Variants in GPR137B observed in about 807,000 individuals in gnomAD.
GPR137B encodes G protein-coupled receptor 137B.
Under a neutral mutation model 42.5 loss-of-function variants are expected in GPR137B, and 42 were observed. The observed-to-expected ratio is 0.99, with a 90% CI of 0.77 to 1.28. The LOEUF is 1.28. GPR137B is among the 50% of genes most tolerant of loss of function. GPR137B has a pLI of 0.00. For missense variants in GPR137B, 487 were observed against 493.9 expected (o/e 0.99, Z 0.13); for synonymous variants, 218 against 209.7 (o/e 1.04, Z -0.34).
intron 6 of GPR137B, among the ~76,000 whole-genome samples, chr1:236,206,381 G>C (rs1663662777): frequency 6.6e-6 from 1 of 152,184 alleles, no homozygotes; most frequent in Non-Finnish European, 1.5e-5. Context: ...TATGTAAACA[G>C]TTTGTATATA....
At chr1:236,178,705 A>G (rs1011009330) in intron 3 of GPR137B, 69 bp downstream of exon 3, 8 of 994,286 alleles carry the variant, frequency 8.0e-6, no homozygotes, top group Non-Finnish European at 1.2e-5. Context: ...GGTTTGCAAA[A>G]GTACATTTTG....
chr1:236,175,966 C>T (rs886157480), intron 2 of GPR137B, among the ~76,000 whole-genome samples: 2 of 152,140 alleles, frequency 1.3e-5, no homozygotes, highest in African/African-American at 4.8e-5. Context: ...GCACAGTGTT[C>T]CATAGTGCAA....
rs1221376117 is a variant in GPR137B at position 236,142,628 on chromosome 1, GC to G, written c.9del (p.Glu4SerfsTer30). 1 of 1,464,908 alleles carries G rather than the reference GC, an allele frequency of 6.8e-7. No homozygotes were observed. Among genetic ancestry groups the G allele is most frequent in the Non-Finnish European group, 9.0e-7 (1 of 1,116,962 alleles). The allele number at this position is 1,464,908 out of a possible 1,614,324, so 90.7% of individuals were successfully genotyped here. A position where few individuals can be genotyped will look rare whatever the true frequency, so the allele number is the denominator to read the frequency against. The stretch of plus-strand genomic sequence containing the variant: ...GGCGGCGGCCGTGAGCCCCGATGAG[GC>G]CCGAGCGTCCCCGGCCGCGCGGCAG... MR[P>X]ERPRPRGSAP... On this transcript the variant is annotated frameshift_variant, in exon 1 of 7. Transcript: ENST00000366592. LOFTEE classifies it high-confidence loss of function.
chr1:236,159,616 G>GA (rs141919324), intron 1 of GPR137B, among the ~76,000 whole-genome samples: 47 of 142,974 alleles, frequency 3.3e-4, no homozygotes, highest in South Asian at 9.0e-4. Context: ...GAGGTTGCAG[G>GA]AAAAAAAAAA....
At chr1:236,148,211 T>G (rs1029758405) in intron 1 of GPR137B, among the ~76,000 whole-genome samples, 1 of 152,212 alleles carries the variant, frequency 6.6e-6, no homozygotes, top group African/African-American at 2.4e-5. Context: ...TTATGGTGCC[T>G]TCTACCTCCA....
chr1:236,178,275 G>A, intron 2 of GPR137B, 139 bp from the exon 3 acceptor site: 4 of 621,022 alleles, frequency 6.4e-6, no homozygotes, highest in Non-Finnish European at 2.9e-6. Context: ...TTGAATCTGG[G>A]AACGTCTATT....
chr1:236,167,218 A>G (rs899182660), intron 1 of GPR137B, among the ~76,000 whole-genome samples: 6 of 152,244 alleles, frequency 3.9e-5, no homozygotes, highest in Admixed American at 3.9e-4. Context: ...CAATCAAGCT[A>G]GTTAACAACA....
intron 1 of GPR137B, among the ~76,000 whole-genome samples, chr1:236,149,699 A>G (rs1571957933): frequency 6.6e-6 from 1 of 152,254 alleles, no homozygotes; most frequent in South Asian, 2.1e-4. Flanking sequence ...GAGGCTTAGG[A>G]AACAGACAAG....
In GPR137B at chr1:236,155,560, G is replaced by T. The variant is rs191212396; in HGVS notation, c.414+12524G>T. ...GTGCTCTCTAGAGTCCCGTCTCCTCGCGGGCTGCCTGCTGGGCTGACTTAT... is the reference window on the plus strand; with the variant it reads ...GTGCTCTCTAGAGTCCCGTCTCCTCTCGGGCTGCCTGCTGGGCTGACTTAT... On this transcript the variant is annotated intron_variant, in intron 1 of 6. Transcript: ENST00000366592. This position sits in a 1 kb window ranked among gnomAD's most constrained non-coding sequence, Gnocchi z 4.6. Among the ~76,000 whole-genome samples, 1 of 152,084 alleles carries T rather than the reference G, an allele frequency of 6.6e-6. No individual in the cohort carries two copies. The highest frequency in any genetic ancestry group is 1.5e-5 in the Non-Finnish European group (1 of 68,008).
intron 2 of GPR137B, among the ~76,000 whole-genome samples, chr1:236,169,885 C>T (rs1016152742): frequency 1.3e-5 from 2 of 151,848 alleles, no homozygotes; most frequent in African/African-American, 4.8e-5. Context: ...ACTAAAAATA[C>T]AAAAATTAGC....
intron 5 of GPR137B, among the ~76,000 whole-genome samples, chr1:236,188,140 T>A (rs1469456252): frequency 6.6e-6 from 1 of 152,172 alleles, no homozygotes; most frequent in Non-Finnish European, 1.5e-5. Context: ...TATTGGTGTA[T>A]AGGAATGCTT....
chr1:236,200,600 C>A (rs1427840454), intron 5 of GPR137B, among the ~76,000 whole-genome samples: 1 of 151,922 alleles, frequency 6.6e-6, no homozygotes, highest in Non-Finnish European at 1.5e-5. Context: ...TAAATAATGT[C>A]TCTCTTTGTC....
intron 1 of GPR137B, among the ~76,000 whole-genome samples, chr1:236,165,626 T>C (rs1370273550): frequency 6.6e-6 from 1 of 152,234 alleles, no homozygotes; most frequent in African/African-American, 2.4e-5. Flanking sequence ...CTGTTCATAC[T>C]TGGTTCCATA....
At chr1:236,189,617 T>C (rs188711256) in intron 5 of GPR137B, among the ~76,000 whole-genome samples, 16 of 152,356 alleles carry the variant, frequency 1.1e-4, no homozygotes, top group African/African-American at 3.8e-4. Flanking sequence ...TTCCATTGGT[T>C]GTGCAGTTTT....
intron 6 of GPR137B, among the ~76,000 whole-genome samples, chr1:236,206,179 G>C (rs1392540169): frequency 6.6e-6 from 1 of 152,158 alleles, no homozygotes; most frequent in Non-Finnish European, 1.5e-5. Context: ...TGTTCTAAGA[G>C]ATTCACAAAT....
chr1:236,196,467 G>A lies in GPR137B; in HGVS notation c.967-8659G>A, dbSNP rs374020617. The stretch of plus-strand genomic sequence containing the variant: ...GAATTAATATTATTTTTAAATTTTT[G>A]TCTTAATTTCAAAAGTTTTTGGGGA... On this transcript the variant is annotated intron_variant, in intron 5 of 6. Transcript: ENST00000366592. Among the ~76,000 whole-genome samples the A allele has an allele frequency of 8.1e-4, 123 of 152,206 alleles. 1 individual carries two copies. Among genetic ancestry groups the A allele is most frequent in the African/African-American group, 2.8e-3 (116 of 41,516 alleles).
intron 1 of GPR137B, among the ~76,000 whole-genome samples, chr1:236,161,482 A>G (rs909739792): frequency 2.1e-5 from 2 of 95,122 alleles, no homozygotes; most frequent in Non-Finnish European, 3.9e-5. Flanking sequence ...CTCCACACAC[A>G]CTTCACACCT....
rs201922622 is a variant in GPR137B at position 236,142,772 on chromosome 1, C to G, written c.150C>G (p.Thr50=). Residue 50 remains threonine (T), a synonymous_variant, in exon 1 of 7, where the codon ACC becomes ACG. Transcript: ENST00000366592. ...YVKLGLTVVY[T]VFYALLFVFI... ...AGCTTGGCCTCACCGTCGTCTACACCGTGTTCTACGCGCTGCTCTTCGTGT... is the reference window on the plus strand; with the variant it reads ...AGCTTGGCCTCACCGTCGTCTACACGGTGTTCTACGCGCTGCTCTTCGTGT... 6.2e-7 allele frequency: 1 copy of G among 1,613,614 alleles called. No homozygotes were observed. Among genetic ancestry groups the G allele is most frequent in the Non-Finnish European group, 8.5e-7 (1 of 1,179,984 alleles).
At chr1:236,161,373 C>A (rs1662189787) in intron 1 of GPR137B, among the ~76,000 whole-genome samples, 1 of 152,096 alleles carries the variant, frequency 6.6e-6, no homozygotes, top group African/African-American at 2.4e-5. Context: ...CTCACCCCCT[C>A]CCTCACTGCT....
Sources: gnomAD v4.1 joint callset for allele counts (sites outside exome capture counted in the v4.1 genomes callset) on GRCh38, gnomAD v4.1.1 for gene constraint, Gnocchi (gnomAD v3.1) non-coding constraint, MANE v1.5 for transcripts, NCBI Gene and HGNC (gene_info 2026-07-23, HGNC 2026-07-21) for gene names.